The following TNIP1 variants were observed in gnomAD, a reference collection of about 807,000 sequenced individuals.
TNIP1 encodes the protein TNFAIP3-interacting protein 1.
In TNIP1, 22 loss-of-function variants were observed where a neutral mutation model predicts 86.6. That is an observed-to-expected ratio of 0.25 (90% CI 0.18 to 0.36). The LOEUF (loss-of-function observed/expected upper bound fraction) is 0.36, where lower values mean the gene tolerates loss of function less well. TNIP1 is among the 10% of genes least tolerant of loss of function. TNIP1 has a pLI of 1.00. For synonymous variants in TNIP1, 294 were observed against 313.0 expected, an observed-to-expected ratio of 0.94 and a Z score of 0.64; for missense variants, 709 against 820.6, an observed-to-expected ratio of 0.86 and a Z score of 1.66.
chr5:151,084,814 C>T (rs1219552415), upstream of TNIP1, among the ~76,000 whole-genome samples: 1 of 152,136 alleles, frequency 6.6e-6, no homozygotes, highest in African/African-American at 2.4e-5. Context: ...TAAGACCCTC[C>T]AGTGGATTCT....
chr5:151,038,094 G>A (rs532016432), intron 12 of TNIP1, among the ~76,000 whole-genome samples: 4 of 152,152 alleles, frequency 2.6e-5, no homozygotes, highest in Admixed American at 1.3e-4. Context: ...TGGATTTAGA[G>A]CCCCAAGTCC....
chr5:151,087,552 A>G (rs1032608868), upstream of TNIP1: 2 of 152,356 alleles, frequency 1.3e-5, no homozygotes, highest in Middle Eastern at 3.4e-3. Context: ...AAACTGCCAG[A>G]TGCCCAGCCC....
At chr5:151,086,393 A>C (rs1346285654) in intron 1 of TNIP1, among the ~76,000 whole-genome samples, 1 of 152,340 alleles carries the variant, frequency 6.6e-6, no homozygotes, top group South Asian at 2.1e-4. Context: ...AAAAGAGTCC[A>C]GCGGCCCTAG....
chr5:151,084,315 G>C (rs988206929), upstream of TNIP1, among the ~76,000 whole-genome samples: 5 of 152,044 alleles, frequency 3.3e-5, no homozygotes, highest in African/African-American at 1.2e-4. Context: ...TGTGGTGGTG[G>C]GCGCCTGTAA....
upstream of TNIP1, among the ~76,000 whole-genome samples, chr5:151,081,552 C>T (rs1159493400): frequency 6.6e-6 from 1 of 152,214 alleles, no homozygotes; most frequent in Non-Finnish European, 1.5e-5. Flanking sequence ...AAAGACTCTA[C>T]CGCGAACATT....
intron 13 of TNIP1, 133 bp from the exon 14 acceptor site, chr5:151,035,840 G>A (rs749193921): frequency 3.5e-5 from 38 of 1,093,304 alleles, no homozygotes; most frequent in Non-Finnish European, 4.7e-5. Flanking sequence ...GAGTGGGACA[G>A]CTACACCTCC....
At chr5:151,056,558 G>A (rs567335031) in intron 6 of TNIP1, among the ~76,000 whole-genome samples, 181 of 152,044 alleles carry the variant, frequency 1.2e-3, no homozygotes, top group South Asian at 5.9e-3. Flanking sequence ...TGCCCATCCC[G>A]TATTTCCCCA....
rs1761660627 is a variant in TNIP1 at position 151,062,195 on chromosome 5, T to C, written c.289A>G (p.Thr97Ala). 1 of 1,614,060 alleles carries C rather than the reference T, an allele frequency of 6.2e-7. No homozygotes were observed. Among genetic ancestry groups the C allele is most frequent in the Admixed American group, 1.7e-5 (1 of 60,016 alleles). Residue 97 changes from threonine to alanine, a missense_variant, in exon 4 of 18, where the codon ACA becomes GCA. Coordinates refer to ENST00000521591, the MANE Select transcript of TNIP1 (RefSeq NM_006058.5). ...AELTGKDSNV[T>A]ASPTAPACPS... ...CATGCAGGGGCTGTGGGAGATGCTG[T>C]GACATTTGAGTCCTTTCCTGGAGAA...
At chr5:151,054,675 T>TC (rs1760408290) in intron 6 of TNIP1, among the ~76,000 whole-genome samples, 1 of 152,058 alleles carries the variant, frequency 6.6e-6, no homozygotes, top group African/African-American at 2.4e-5. Flanking sequence ...CAAGACCCTG[T>TC]CCCCCAACAC....
chr5:151,058,157 G>A (rs1760927740), intron 5 of TNIP1, among the ~76,000 whole-genome samples: 1 of 152,182 alleles, frequency 6.6e-6, no homozygotes, highest in Admixed American at 6.5e-5. Context: ...CTGACCTCAG[G>A]TGATCCACCC....
At position 151,049,827 on chromosome 5, in the gene TNIP1, C is replaced by T. The variant is rs1238611660; in HGVS notation, c.843G>A (p.Gln281=). The T allele has an allele frequency of 3.1e-6, 5 of 1,614,188 alleles. No homozygotes were observed. The highest frequency in any genetic ancestry group is 4.2e-6 in the Non-Finnish European group (5 of 1,180,004). Reference sequence around the variant, plus strand: ...GAAGGAATTTCTGACCACATACCTGCTGCTGTCCAGCCACTGCCTTCTTGC... The same window carrying T: ...GAAGGAATTTCTGACCACATACCTGTTGCTGTCCAGCCACTGCCTTCTTGC... ...GTGKKAVAGQ[Q]QASVTAGKVP... Residue 281 remains glutamine, a synonymous_variant, in exon 8 of 18, where the codon CAG becomes CAA. Transcript: ENST00000521591.
intron 11 of TNIP1, among the ~76,000 whole-genome samples, chr5:151,041,361 A>G (rs937403977): frequency 1.3e-5 from 2 of 151,936 alleles, no homozygotes; most frequent in African/African-American, 4.8e-5. Context: ...ATGAGCCACC[A>G]TGCCTGGCCA....
chr5:151,076,324 G>A (rs1359612119), intron 1 of TNIP1, among the ~76,000 whole-genome samples: 2 of 152,188 alleles, frequency 1.3e-5, no homozygotes, highest in African/African-American at 2.4e-5. Flanking sequence ...GGATAGGAGG[G>A]GCAGGCACTG....
At chr5:151,064,347 G>A (rs572197317) in intron 2 of TNIP1, among the ~76,000 whole-genome samples, 5 of 152,346 alleles carry the variant, frequency 3.3e-5, no homozygotes, top group African/African-American at 1.2e-4. Context: ...CAAAGGAAGA[G>A]TTTCAGGAGT....
chr5:151,068,973 G>A (rs1762544081), intron 1 of TNIP1, among the ~76,000 whole-genome samples: 1 of 152,244 alleles, frequency 6.6e-6, no homozygotes, highest in African/African-American at 2.4e-5. Flanking sequence ...AGCCAGCGGG[G>A]CCTCCACAGC....
chr5:151,030,885 C>A, intron 17 of TNIP1, 138 bp from the exon 18 acceptor site: 1 of 640,508 alleles, frequency 1.6e-6, no homozygotes. Flanking sequence ...GGCTAAGTAC[C>A]TTAAGTACGC....
intron 1 of TNIP1, among the ~76,000 whole-genome samples, chr5:151,067,341 C>T (rs1762355931): frequency 6.6e-6 from 1 of 152,262 alleles, no homozygotes; most frequent in African/African-American, 2.4e-5. Context: ...CCACCTGGTA[C>T]AGCATGTGTC....
chr5:151,062,714 A>G (rs1357900301), intron 3 of TNIP1, among the ~76,000 whole-genome samples: 2 of 152,126 alleles, frequency 1.3e-5, no homozygotes, highest in Non-Finnish European at 2.9e-5. Flanking sequence ...CCTTGAAGGT[A>G]GCTTCATTTC....
intron 9 of TNIP1, among the ~76,000 whole-genome samples, chr5:151,044,016 T>C (rs1333725293): frequency 6.6e-6 from 1 of 152,102 alleles, no homozygotes; most frequent in Admixed American, 6.5e-5. Flanking sequence ...TTACAAAGAA[T>C]TAAAGGAATA....
Sources: allele counts gnomAD v4.1 joint callset (sites outside exome capture counted in the v4.1 genomes callset), GRCh38; gene constraint gnomAD v4.1.1; transcripts MANE v1.5; gene names NCBI Gene and HGNC (gene_info 2026-07-23, HGNC 2026-07-21).